Variants in COMMD10 observed in about 807,000 individuals in gnomAD.
The protein encoded by COMMD10 is COMM domain containing 10, also known as COMM domain-containing protein 10.
Under a neutral mutation model 28.9 loss-of-function variants are expected in COMMD10, and 33 were observed. The observed-to-expected ratio is 1.14, with a 90% CI of 0.87 to 1.53. The LOEUF is 1.53. Among genes scored for constraint, COMMD10 ranks in the 40% most tolerant of loss-of-function variants. COMMD10 has a pLI of 0.00. For missense variants in COMMD10, 310 were observed against 233.4 expected (o/e 1.33, Z -2.14); for synonymous variants, 110 against 81.7 (o/e 1.35, Z -1.87).
intron 5 of COMMD10, among the ~76,000 whole-genome samples, chr5:116,187,844 C>A (rs548785393): frequency 6.6e-6 from 1 of 151,914 alleles, no homozygotes; most frequent in East Asian, 1.9e-4. Context: ...AAAGTACTTT[C>A]TTTATACCTT....
intron 4 of COMMD10, among the ~76,000 whole-genome samples, chr5:116,100,381 C>A (rs1750619145): frequency 1.3e-5 from 2 of 152,082 alleles, no homozygotes; most frequent in African/African-American, 4.8e-5. Flanking sequence ...TCCAAAAAAT[C>A]ATTGCAAAGG....
chr5:116,261,308 A>G (rs1220054636), intron 5 of COMMD10, among the ~76,000 whole-genome samples: 1 of 151,694 alleles, frequency 6.6e-6, no homozygotes, highest in Non-Finnish European at 1.5e-5. Flanking sequence ...TGAAAATTGT[A>G]GATGTGACCG....
intron 4 of COMMD10, among the ~76,000 whole-genome samples, chr5:116,122,574 T>C (rs1751471049): frequency 6.6e-6 from 1 of 152,222 alleles, no homozygotes; most frequent in South Asian, 2.1e-4. Flanking sequence ...CCTTGGGCAG[T>C]ATGGCCATTT....
intron 4 of COMMD10, among the ~76,000 whole-genome samples, chr5:116,116,560 G>T (rs1751238152): frequency 6.6e-6 from 1 of 152,066 alleles, no homozygotes; most frequent in African/African-American, 2.4e-5. Context: ...TGCCTTTTTT[G>T]TTACTTTAGT....
At chr5:116,199,790 G>A (rs938521506) in intron 5 of COMMD10, among the ~76,000 whole-genome samples, 3 of 151,996 alleles carry the variant, frequency 2.0e-5, no homozygotes, top group South Asian at 2.1e-4. Flanking sequence ...ACAGGGTCTC[G>A]CTATGTTGCC....
rs533890932 is a variant in COMMD10, at chr5:116,085,273, G to T, written c.41+180G>T. On this transcript the variant is annotated intron_variant, in intron 1 of 6. Coordinates refer to ENST00000274458, the MANE Select transcript of COMMD10 (RefSeq NM_016144.4). ...TCTGCGGAGTGCGTGGGGCCGTGTA[G>T]CGCCTCTACAGTCACGGTGGTCCAC... 9.7e-6 allele frequency: 6 copies of T among 620,390 alleles called. No homozygotes were observed. In the East Asian group the frequency reaches 1.8e-4, roughly 19 times the overall value. The allele number at this position is 620,390 out of a possible 1,614,324, so 38.4% of individuals were successfully genotyped here.
chr5:116,110,331 C>G (rs1290640889), intron 4 of COMMD10, among the ~76,000 whole-genome samples: 1 of 151,984 alleles, frequency 6.6e-6, no homozygotes, highest in African/African-American at 2.4e-5. Context: ...CTTTAGTTTT[C>G]TTTATTCGTT....
At chr5:116,197,372 G>A (rs1273373560) in intron 5 of COMMD10, among the ~76,000 whole-genome samples, 2 of 152,046 alleles carry the variant, frequency 1.3e-5, no homozygotes, top group African/African-American at 4.8e-5. Flanking sequence ...CAAATTGTAA[G>A]TAGAGTTGAA....
chr5:116,160,633 G>A (rs559089913), intron 5 of COMMD10, among the ~76,000 whole-genome samples: 1 of 152,170 alleles, frequency 6.6e-6, no homozygotes, highest in South Asian at 2.1e-4. Context: ...AAAGTACAAA[G>A]TAATGCCTGT....
At chr5:116,133,958 G>T (rs1345669585) in intron 4 of COMMD10, 110 bp from the exon 5 acceptor site, 4 of 643,874 alleles carry the variant, frequency 6.2e-6, no homozygotes, top group Non-Finnish European at 8.3e-6. Flanking sequence ...CTGACTTTCT[G>T]TGAAGCCTAG....
At chr5:116,227,492 T>C (rs1486348606) in intron 5 of COMMD10, among the ~76,000 whole-genome samples, 1 of 152,044 alleles carries the variant, frequency 6.6e-6, no homozygotes, top group Non-Finnish European at 1.5e-5. Flanking sequence ...GTTCAATTTA[T>C]ACATCCTGCC....
intron 5 of COMMD10, among the ~76,000 whole-genome samples, chr5:116,232,171 A>G (rs970792454): frequency 3.3e-5 from 5 of 152,168 alleles, no homozygotes; most frequent in African/African-American, 9.7e-5. Flanking sequence ...CAGAAGTCCA[A>G]GTTACATTTG....
intron 5 of COMMD10, among the ~76,000 whole-genome samples, chr5:116,196,709 A>C (rs866969102): frequency 8.6e-5 from 13 of 151,060 alleles, no homozygotes; most frequent in Middle Eastern, 3.4e-3. Flanking sequence ...TTATGCTGTT[A>C]GTCACAGAAA....
At chr5:116,264,978 A>T (rs1750548541) in intron 5 of COMMD10, among the ~76,000 whole-genome samples, 1 of 151,774 alleles carries the variant, frequency 6.6e-6, no homozygotes, top group South Asian at 2.1e-4. Flanking sequence ...GTGTTCTTTG[A>T]AAAGAGTAGG....
rs562796446 is a variant in COMMD10 at position 116,154,901 on chromosome 5, C to T, written c.510+20723C>T. Among the ~76,000 whole-genome samples the T allele has an allele frequency of 5.3e-5, 8 of 152,040 alleles. No individual in the cohort carries two copies. In the South Asian group the frequency reaches 1.2e-3, roughly 24 times the overall value. Reference sequence around the variant, plus strand: ...AGACAAGGCTGTTCTTGAGAGGGAGCGGGAGTGCTTTGGGAAAGTACCACA... The same window carrying T: ...AGACAAGGCTGTTCTTGAGAGGGAGTGGGAGTGCTTTGGGAAAGTACCACA... On this transcript the variant is annotated intron_variant, in intron 5 of 6. Transcript: ENST00000274458.
At chr5:116,290,145 G>T (rs901130942) in intron 5 of COMMD10, among the ~76,000 whole-genome samples, 1 of 151,758 alleles carries the variant, frequency 6.6e-6, no homozygotes, top group African/African-American at 2.4e-5. Flanking sequence ...TGATGAACTT[G>T]TCTTGCTTTT....
chr5:116,157,658 T>A (rs561951339), intron 5 of COMMD10, among the ~76,000 whole-genome samples: 7 of 152,196 alleles, frequency 4.6e-5, no homozygotes, highest in Non-Finnish European at 1.0e-4. Flanking sequence ...AGATTCTAAT[T>A]GTTGATGGAA....
chr5:116,131,009 C>T (rs189169407), intron 4 of COMMD10, among the ~76,000 whole-genome samples: 1 of 151,772 alleles, frequency 6.6e-6, no homozygotes, highest in Admixed American at 6.6e-5. Context: ...AGAAGGCTAA[C>T]TCATGGCAAT....
intron 5 of COMMD10, among the ~76,000 whole-genome samples, chr5:116,144,550 G>A (rs1310137559): frequency 6.6e-6 from 1 of 151,852 alleles, no homozygotes; most frequent in East Asian, 1.9e-4. Flanking sequence ...GTTAAAAAAT[G>A]AATTTAGTGA....
Sources: allele counts gnomAD v4.1 joint callset (sites outside exome capture counted in the v4.1 genomes callset), GRCh38; gene constraint gnomAD v4.1.1; transcripts MANE v1.5; gene names NCBI Gene and HGNC (gene_info 2026-07-23, HGNC 2026-07-21).